Variants in VIPAS39 observed in about 807,000 individuals in gnomAD.
The protein encoded by VIPAS39 is VPS33B interacting protein, apical-basolateral polarity regulator, spe-39 homolog.
In VIPAS39, 63 loss-of-function variants were observed where a neutral mutation model predicts 84.7. That is an observed-to-expected ratio of 0.74 (90% confidence interval 0.61 to 0.92). The LOEUF (loss-of-function observed/expected upper bound fraction) is 0.92. Ranked by LOEUF, VIPAS39 falls within the 40% of genes least tolerant of loss-of-function variation. The pLI, the probability that VIPAS39 is intolerant of heterozygous loss-of-function variation, is 0.00. For missense variants in VIPAS39, 499 were observed against 604.5 expected, an observed-to-expected ratio of 0.83 and a Z score of 1.83; for synonymous variants, 192 against 216.5, an observed-to-expected ratio of 0.89 and a Z score of 0.99.
intron 11 of VIPAS39, among the ~76,000 whole-genome samples, chr14:77,439,081 A>G (rs1487002548): frequency 6.6e-6 from 1 of 152,216 alleles, no homozygotes; most frequent in African/African-American, 2.4e-5. Flanking sequence ...TTTCAAGAAA[A>G]GTTCTACATG....
In VIPAS39 at chr14:77,427,074, A is replaced by G. The variant is rs2078442396; in HGVS notation, c.*542T>C. 1 of 156,206 alleles carries G rather than the reference A, an allele frequency of 6.4e-6. No individual in the cohort carries two copies. The highest frequency in any genetic ancestry group is 1.4e-5 in the Non-Finnish European group (1 of 70,368). 9.7% of individuals were successfully genotyped at this position (156,206 alleles called of 1,614,324 possible). ...GCAGAGGGAAAATGGCTGAGGAAAC[A>G]CAACGTCTAGGCCATGTGTGGCATA... On this transcript the variant is annotated 3_prime_UTR_variant, in exon 20 of 20. Coordinates refer to ENST00000557658, the MANE Select transcript of VIPAS39 (RefSeq NM_001193315.2).
chr14:77,430,239 TAC>T (rs1343474224), intron 16 of VIPAS39, among the ~76,000 whole-genome samples: 1 of 152,206 alleles, frequency 6.6e-6, no homozygotes, highest in Non-Finnish European at 1.5e-5. Flanking sequence ...TATACTTTAA[TAC>T]AGTGTTTGAT....
intron 16 of VIPAS39, among the ~76,000 whole-genome samples, chr14:77,433,361 C>T (rs1328862690): frequency 3.3e-5 from 5 of 152,072 alleles, no homozygotes; most frequent in Non-Finnish European, 5.9e-5. Flanking sequence ...CCACCACACC[C>T]AGCTAATTTT....
In VIPAS39 at chr14:77,453,462, ACAAT is replaced by A. The variant is rs1409489704; in HGVS notation, c.94-65_94-62del. 4.6e-6 allele frequency: 7 copies of A among 1,516,782 alleles called. No individual in the cohort carries two copies. In the Admixed American group the frequency reaches 1.2e-4, roughly 25 times the overall value. The allele number at this position is 1,516,782 out of a possible 1,614,324, so 94.0% of individuals were successfully genotyped here. On this transcript the variant is annotated intron_variant, in intron 2 of 19. Transcript: ENST00000557658. ...ATCATCATTTCCCACCTCTCTTCTG[ACAAT>A]CAAGAAGGCTGAGGAATTGGGGCCT...
chr14:77,437,369 TG>T (rs2078629313), intron 12 of VIPAS39, among the ~76,000 whole-genome samples: 1 of 152,200 alleles, frequency 6.6e-6, no homozygotes, highest in African/African-American at 2.4e-5. Flanking sequence ...AAGCTTGCCC[TG>T]GATCAGTGGT....
At chr14:77,429,206 T>C (rs1454423989) in intron 17 of VIPAS39, 111 bp from the exon 18 acceptor site, 1 of 889,160 alleles carries the variant, frequency 1.1e-6, no homozygotes, top group Non-Finnish European at 1.8e-6. Context: ...TAGCTAATGT[T>C]TCCAGTTTCC....
chr14:77,452,222 G>A (rs2078893386), intron 3 of VIPAS39, among the ~76,000 whole-genome samples: 1 of 152,140 alleles, frequency 6.6e-6, no homozygotes, highest in Admixed American at 6.5e-5. Flanking sequence ...AGCAAGGTAT[G>A]AAGCATGCTA....
chr14:77,443,054 G>A, intron 9 of VIPAS39, 65 bp downstream of exon 9: 2 of 1,598,560 alleles, frequency 1.3e-6, no homozygotes. Flanking sequence ...AAAGGCACAT[G>A]GCATTCTCCC....
intron 4 of VIPAS39, 45 bp from the exon 5 acceptor site, chr14:77,449,797 C>T: frequency 6.2e-7 from 1 of 1,609,768 alleles, no homozygotes; most frequent in Admixed American, 1.7e-5. Context: ...CAGTTTCAAT[C>T]AGAGCCATCC....
chr14:77,436,897 A>G (rs1016477476), intron 12 of VIPAS39, among the ~76,000 whole-genome samples: 3 of 152,150 alleles, frequency 2.0e-5, no homozygotes, highest in Non-Finnish European at 4.4e-5. Context: ...TACTCTGCTC[A>G]CTCCAGGAAG....
At chr14:77,445,020 G>A (rs960915316) in intron 7 of VIPAS39, among the ~76,000 whole-genome samples, 25 of 146,794 alleles carry the variant, frequency 1.7e-4, no homozygotes, top group South Asian at 4.4e-4. Flanking sequence ...GTGCAGTGGC[G>A]CAATCTTGGC....
chr14:77,443,017 T>C (rs1257747925), intron 9 of VIPAS39, 102 bp downstream of exon 9: 5 of 1,509,294 alleles, frequency 3.3e-6, no homozygotes, highest in African/African-American at 1.4e-5. Flanking sequence ...GTCTCTGAAA[T>C]AGACTTGACT....
At chr14:77,442,986 A>C in intron 9 of VIPAS39, 133 bp downstream of exon 9, 1 of 1,200,564 alleles carries the variant, frequency 8.3e-7, no homozygotes, top group Middle Eastern at 1.9e-4. Context: ...TTGTGCTCTG[A>C]AGTCTCAGGC....
At chr14:77,450,970 G>A (rs1484964716) in intron 4 of VIPAS39, among the ~76,000 whole-genome samples, 1 of 152,224 alleles carries the variant, frequency 6.6e-6, no homozygotes, top group Non-Finnish European at 1.5e-5. Context: ...ACCAGTCACA[G>A]GGTTAATGTC....
At position 77,427,740 on chromosome 14, in the gene VIPAS39, G is replaced by A. The variant is rs970010489; in HGVS notation, c.1462-104C>T. The A allele has an allele frequency of 2.0e-6, 3 of 1,481,964 alleles. No individual in the cohort carries two copies. The African/African-American group carries it at 4.2e-5, about 21-fold the overall frequency. 91.8% of individuals were successfully genotyped at this position (1,481,964 alleles called of 1,614,324 possible). Reference sequence around the variant, plus strand: ...ACAAGGCTCAGCTAGATAATGTAAGGAAAAGAAAAAGTAGAATCAGATCAG... The same window carrying A: ...ACAAGGCTCAGCTAGATAATGTAAGAAAAAGAAAAAGTAGAATCAGATCAG... On this transcript the variant is annotated intron_variant, in intron 19 of 19. Transcript: ENST00000557658.
chr14:77,428,960 C>T (rs538535154), intron 18 of VIPAS39, 46 bp downstream of exon 18: 14 of 1,527,668 alleles, frequency 9.2e-6, no homozygotes, highest in South Asian at 7.8e-5. Flanking sequence ...CACCCTGCTT[C>T]GCCACTGAGG....
intron 16 of VIPAS39, among the ~76,000 whole-genome samples, chr14:77,430,436 G>T (rs1005342420): frequency 1.3e-5 from 2 of 152,138 alleles, no homozygotes; most frequent in African/African-American, 4.8e-5. Flanking sequence ...CAAAATGGAG[G>T]CCAGGTGCGG....
intron 1 of VIPAS39, among the ~76,000 whole-genome samples, chr14:77,456,920 A>G (rs76869542): frequency 0.03 from 4,576 of 152,322 alleles, 224 homozygotes; most frequent in African/African-American, 0.1. Context: ...CAGGTGCTTC[A>G]ACATGATTTA....
At chr14:77,449,263 A>G in intron 6 of VIPAS39, 30 bp downstream of exon 6, 2 of 1,604,220 alleles carry the variant, frequency 1.2e-6, no homozygotes, top group Non-Finnish European at 1.7e-6. Context: ...TACTGTGGAA[A>G]GTGTCACACC....
Sources: gnomAD v4.1 joint callset for allele counts (sites outside exome capture counted in the v4.1 genomes callset) on GRCh38, gnomAD v4.1.1 for gene constraint, MANE v1.5 for transcripts, NCBI Gene and HGNC (gene_info 2026-07-23, HGNC 2026-07-21) for gene names.